The following AP2A2 variants were observed in gnomAD, a reference collection of about 807,000 sequenced individuals.
AP2A2 encodes AP-2 complex subunit alpha-2.
AP2A2 carries 32 observed loss-of-function variants against 104.2 expected under a neutral mutation model. The ratio of observed to expected loss-of-function variants is 0.31; its 90% CI spans 0.23 to 0.41. The LOEUF (loss-of-function observed/expected upper bound fraction) is 0.41. AP2A2 is among the 10% of genes least tolerant of loss of function. AP2A2 has a pLI of 1.00. For synonymous variants in AP2A2, 539 were observed against 533.3 expected (o/e 1.01, Z -0.15); for missense variants, 912 against 1,261.0 (o/e 0.72, Z 4.19).
chr11:933,746 C>A (rs543133766), intron 1 of AP2A2: 121 of 430,386 alleles, frequency 2.8e-4, no homozygotes, highest in African/African-American at 2.2e-3. Flanking sequence ...GCGGGGATGA[C>A]CCCAGAGACA....
At chr11:945,356 A>T (rs1853797498) in intron 1 of AP2A2, among the ~76,000 whole-genome samples, 1 of 152,044 alleles carries the variant, frequency 6.6e-6, no homozygotes, top group South Asian at 2.1e-4. Context: ...TTTTTTTGAG[A>T]TGGAATCTCT....
At chr11:990,538 G>A (rs561024036) in intron 10 of AP2A2, among the ~76,000 whole-genome samples, 8 of 152,302 alleles carry the variant, frequency 5.3e-5, no homozygotes, top group Admixed American at 5.2e-4. Context: ...TCAGCCCGGT[G>A]TCTGCTCTCG....
chr11:977,332 A>G (rs1261218271), intron 5 of AP2A2, 108 bp downstream of exon 5: 2 of 1,423,578 alleles, frequency 1.4e-6, no homozygotes, highest in Non-Finnish European at 1.9e-6. Context: ...AGAGGCTGTC[A>G]CAGGGGCTGC....
At chr11:973,207 G>T (rs1854893860) in intron 4 of AP2A2, among the ~76,000 whole-genome samples, 1 of 152,238 alleles carries the variant, frequency 6.6e-6, no homozygotes, top group African/African-American at 2.4e-5. Context: ...GAGAGAAACA[G>T]GCCTAGACCG....
chr11:982,350 C>T (rs923299412), intron 6 of AP2A2, among the ~76,000 whole-genome samples: 6 of 152,310 alleles, frequency 3.9e-5, no homozygotes, highest in African/African-American at 1.4e-4. Context: ...CGCACCCGGC[C>T]TCTTTGAGAT....
intron 2 of AP2A2, among the ~76,000 whole-genome samples, chr11:964,702 G>C (rs550004462): frequency 3.3e-5 from 5 of 152,252 alleles, no homozygotes; most frequent in Middle Eastern, 6.8e-3. Flanking sequence ...CAACAAAAAT[G>C]AAGCTAAAAA....
intron 1 of AP2A2, among the ~76,000 whole-genome samples, chr11:955,360 C>T (rs147196178): frequency 1.9e-3 from 287 of 152,358 alleles, no homozygotes; most frequent in Middle Eastern, 3.4e-3. Flanking sequence ...AAAAAACCTG[C>T]CATCCTGGGG....
intron 1 of AP2A2, among the ~76,000 whole-genome samples, chr11:938,477 GTTT>G (rs1170166405): frequency 1.4e-5 from 2 of 141,024 alleles, no homozygotes. Context: ...ATGTTTGTAT[GTTT>G]TTTTTTTTTT....
At position 983,598 on chromosome 11, in the gene AP2A2, T is replaced by C. The variant is rs550355977; in HGVS notation, c.706-1047T>C. 1.4e-4 allele frequency among the ~76,000 whole-genome samples: 22 copies of C among 152,078 alleles called. 1 individual carries two copies. The South Asian group carries it at 1.5e-3, about 10-fold the overall frequency. On this transcript the variant is annotated intron_variant, in intron 6 of 21. Transcript: ENST00000448903. Reference sequence around the variant, plus strand: ...TGGGGTTTCACTGTGTTAGCCAGGATGGTCTCGATCTCCTGACCTTGTGAT... The same window carrying C: ...TGGGGTTTCACTGTGTTAGCCAGGACGGTCTCGATCTCCTGACCTTGTGAT...
chr11:999,212 C>G (rs1855949694), intron 14 of AP2A2, among the ~76,000 whole-genome samples: 1 of 152,192 alleles, frequency 6.6e-6, no homozygotes, highest in Non-Finnish European at 1.5e-5. Context: ...GCGCTCTTTC[C>G]TTGTGCCTTT....
Position 1,011,596 on chromosome 11 carries a change from C to A in AP2A2, c.*971C>A. On this transcript the variant is annotated 3_prime_UTR_variant, in exon 22 of 22. Coordinates refer to ENST00000448903, the MANE Select transcript of AP2A2 (RefSeq NM_012305.4). ...ATCTGGACTCAGCACCCAGGCTGCA[C>A]GTCTGACACCTGAGAGGCGAGAGAG... The A allele has an allele frequency of 2.3e-6, 1 of 427,126 alleles. No homozygotes were observed. Among genetic ancestry groups the A allele is most frequent in the South Asian group, 1.7e-5 (1 of 59,396 alleles). The allele number at this position is 427,126 out of a possible 1,614,324, so 26.5% of individuals were successfully genotyped here. A position where few individuals can be genotyped will look rare whatever the true frequency, so the allele number is the denominator to read the frequency against.
Position 994,074 on chromosome 11 carries a change from G to A in AP2A2, c.1785G>A (p.Ala595=), listed in dbSNP as rs745834045. The change falls in exon 14 of 22, where the codon GCG becomes GCA. Residue 595 remains alanine (A), a splice_region_variant and synonymous_variant. Transcript: ENST00000448903. ...TCCCACCCTGTGTTCTTTCCAAGGC[G>A]ACCGTGCTGGAGGAGATGCCCCCAT... ...LSTVASTDIL[A]TVLEEMPPFP... The A allele has an allele frequency of 6.8e-5, 110 of 1,612,562 alleles. 1 individual carries two copies. Among genetic ancestry groups the A allele is most frequent in the Middle Eastern group, 1.6e-4 (1 of 6,074 alleles).
intron 4 of AP2A2, 24 bp downstream of exon 4, chr11:972,279 C>A: frequency 6.5e-7 from 1 of 1,547,282 alleles, no homozygotes; most frequent in Non-Finnish European, 8.7e-7. Flanking sequence ...TCGTGCCGGG[C>A]TCCTGCTGAA....
At chr11:926,739 C>G (rs1317538003) in intron 1 of AP2A2, among the ~76,000 whole-genome samples, 3 of 152,192 alleles carry the variant, frequency 2.0e-5, no homozygotes, top group Non-Finnish European at 4.4e-5. Context: ...AATCTGGACA[C>G]GAGCAGCAGT....
intron 4 of AP2A2, among the ~76,000 whole-genome samples, chr11:976,262 G>A (rs541315441): frequency 2.2e-4 from 34 of 152,318 alleles, no homozygotes; most frequent in African/African-American, 7.9e-4. Flanking sequence ...CACCCAGAAG[G>A]GGAATTTTTT....
At chr11:948,323 A>C (rs754101623) in intron 1 of AP2A2, 3 of 152,254 alleles carry the variant, frequency 2.0e-5, no homozygotes, top group Non-Finnish European at 2.9e-5. Flanking sequence ...TCCATGAATA[A>C]TTGTGTAACA....
chr11:997,208 A>G (rs1406434654), intron 14 of AP2A2, among the ~76,000 whole-genome samples: 1 of 152,070 alleles, frequency 6.6e-6, no homozygotes, highest in Non-Finnish European at 1.5e-5. Flanking sequence ...AGGCCAGGAC[A>G]TTTTACTTCT....
chr11:1,001,862 G>T (rs984174490), intron 15 of AP2A2, among the ~76,000 whole-genome samples: 2 of 152,218 alleles, frequency 1.3e-5, no homozygotes, highest in Non-Finnish European at 2.9e-5. Context: ...GCTGTCTGCA[G>T]CTGGCCAGGC....
At chr11:985,804 C>A (rs914644459) in intron 8 of AP2A2, among the ~76,000 whole-genome samples, 15 of 152,218 alleles carry the variant, frequency 9.9e-5, no homozygotes, top group Non-Finnish European at 2.2e-4. Flanking sequence ...GGTCTCATCC[C>A]ACACGAGGGC....
Sources: gnomAD v4.1 joint callset for allele counts (sites outside exome capture counted in the v4.1 genomes callset) on GRCh38, gnomAD v4.1.1 for gene constraint, MANE v1.5 for transcripts, NCBI Gene and HGNC (gene_info 2026-07-23, HGNC 2026-07-21) for gene names.